The following TBCD variants were observed in gnomAD, a reference collection of about 807,000 sequenced individuals.
The protein encoded by TBCD is tubulin-specific chaperone D.
A neutral mutation model predicts 169.3 loss-of-function variants in TBCD; 105 were observed. The ratio of observed to expected loss-of-function variants is 0.62; its 90% CI spans 0.53 to 0.73. The LOEUF (loss-of-function observed/expected upper bound fraction) is 0.73, where lower values mean the gene tolerates loss of function less well. Among genes scored for constraint, TBCD ranks in the 30% least tolerant of loss-of-function variants. TBCD has a pLI of 0.00. For synonymous variants in TBCD, 700 were observed against 643.9 expected, an observed-to-expected ratio of 1.09 and a Z score of -1.32; for missense variants, 1,444 against 1,600.1, an observed-to-expected ratio of 0.90 and a Z score of 1.66.
At chr17:82,809,305 AC>A (rs2051252030) in intron 11 of TBCD, among the ~76,000 whole-genome samples, 1 of 152,066 alleles carries the variant, frequency 6.6e-6, no homozygotes, top group Non-Finnish European at 1.5e-5. Flanking sequence ...TGAGCCCATC[AC>A]CTGGCCTGAT....
chr17:82,840,932 G>A (rs912805962), intron 13 of TBCD, among the ~76,000 whole-genome samples: 8 of 147,456 alleles, frequency 5.4e-5, no homozygotes, highest in Admixed American at 4.8e-4. Flanking sequence ...ATAGGGACGA[G>A]CTGGCCAGGA....
At chr17:82,873,204 A>T (rs143628297) in intron 14 of TBCD, among the ~76,000 whole-genome samples, 6 of 152,324 alleles carry the variant, frequency 3.9e-5, no homozygotes, top group Non-Finnish European at 8.8e-5. Context: ...TTTCCTTTTC[A>T]GCCTCATATT....
chr17:82,928,101 C>T, intron 30 of TBCD, 113 bp downstream of exon 30: 1 of 913,334 alleles, frequency 1.1e-6, no homozygotes, highest in Non-Finnish European at 1.7e-6. Flanking sequence ...TGGGCACACA[C>T]CCTCCTCCCA....
At chr17:82,929,314 T>C (rs1374396470) in intron 31 of TBCD, 43 bp downstream of exon 31, 3 of 1,610,400 alleles carry the variant, frequency 1.9e-6, no homozygotes, top group Admixed American at 3.3e-5. Context: ...CCCGCAGCCA[T>C]GGCGAGATCA....
Position 82,942,561 on chromosome 17 carries a change from CTGT to C in TBCD, c.*101_*103del. On this transcript the variant is annotated 3_prime_UTR_variant, in exon 39 of 39. Transcript: ENST00000355528. ...AAGCCTCGCACAGTGGTGCCTCCAG[CTGT>C]TGAAGGGTAGCGCTGGCCCTTGGAG... 6.4e-7 allele frequency: 1 copy of C among 1,554,252 alleles called. No individual in the cohort carries two copies. Among genetic ancestry groups the C allele is most frequent in the Non-Finnish European group, 8.9e-7 (1 of 1,129,118 alleles).
intron 13 of TBCD, chr17:82,830,441 C>T: frequency 6.2e-7 from 1 of 1,612,126 alleles, no homozygotes. Flanking sequence ...TCGCTGCTGT[C>T]CACCGCGCAT....
chr17:82,823,251 G>T (rs930951869), intron 13 of TBCD, among the ~76,000 whole-genome samples: 1 of 152,178 alleles, frequency 6.6e-6, no homozygotes, highest in Non-Finnish European at 1.5e-5. Context: ...TGACCCTGCT[G>T]CCCCCTGCAG....
chr17:82,888,488 CG>C (rs1410983293), intron 15 of TBCD, among the ~76,000 whole-genome samples: 1 of 152,188 alleles, frequency 6.6e-6, no homozygotes, highest in Non-Finnish European at 1.5e-5. Context: ...TGCCTTTTGG[CG>C]GGTTTTGTTT....
intron 15 of TBCD, among the ~76,000 whole-genome samples, chr17:82,887,881 G>T (rs1037219529): frequency 2.6e-5 from 4 of 152,168 alleles, no homozygotes; most frequent in African/African-American, 9.7e-5. Context: ...CTTGCCGTCT[G>T]TACCTCCTCT....
intron 7 of TBCD, among the ~76,000 whole-genome samples, chr17:82,786,396 C>G (rs1369889262): frequency 6.6e-6 from 1 of 152,146 alleles, no homozygotes; most frequent in Non-Finnish European, 1.5e-5. Flanking sequence ...GCAGGGGAGG[C>G]CGTTAGCCCT....
chr17:82,817,792 G>A (rs2052051230), intron 13 of TBCD, among the ~76,000 whole-genome samples: 1 of 152,188 alleles, frequency 6.6e-6, no homozygotes. Flanking sequence ...TTTTAATTAA[G>A]TCCAGCTCAT....
intron 27 of TBCD, among the ~76,000 whole-genome samples, chr17:82,925,692 C>G (rs2061683739): frequency 6.6e-6 from 1 of 152,210 alleles, no homozygotes; most frequent in Admixed American, 6.5e-5. Context: ...GTGGGCCTCG[C>G]AGCCGCCATG....
At chr17:82,883,142 A>T (rs1567952289) in intron 14 of TBCD, among the ~76,000 whole-genome samples, 4 of 152,220 alleles carry the variant, frequency 2.6e-5, no homozygotes, top group Non-Finnish European at 5.9e-5. Flanking sequence ...CTTCATGTTG[A>T]CGCGGGCCCC....
Position 82,924,991 on chromosome 17 carries a change from T to A in TBCD, c.2313T>A (p.Thr771=). 6.3e-7 allele frequency: 1 copy of A among 1,575,808 alleles called. No homozygotes were observed. The highest frequency in any genetic ancestry group is 2.3e-5 in the East Asian group (1 of 42,998). The part of the protein sequence containing the change: ...LAELRNPEEM[T]RCGFSLALGA... ...AGCTTCGGAACCCCGAGGAGATGAC[T>A]CGCTGTGGCTTCTCGTTGGCCTTGG... The change falls in exon 27 of 39, where the codon ACT becomes ACA. Residue 771 remains threonine (T), a synonymous_variant. Coordinates refer to ENST00000355528, the MANE Select transcript of TBCD (RefSeq NM_005993.5).
At chr17:82,792,000 A>G (rs1018736294) in intron 7 of TBCD, among the ~76,000 whole-genome samples, 9 of 152,216 alleles carry the variant, frequency 5.9e-5, no homozygotes, top group Admixed American at 5.2e-4. Context: ...ATCTAAGCAT[A>G]GAAAAGGTAC....
At chr17:82,907,730 T>G in intron 20 of TBCD, 31 bp from the exon 21 acceptor site, 1 of 1,612,894 alleles carries the variant, frequency 6.2e-7, no homozygotes, top group Non-Finnish European at 8.5e-7. Flanking sequence ...TTGGGGAGTG[T>G]GACTTCAGCT....
rs763307195 is a variant in TBCD, at chr17:82,797,818, A to T, written c.817+16A>T. ...TTGCCCTATGGTAAGGTTTATTTTT[A>T]AGAGACGATATCTTTGTGATGTGAG... On this transcript the variant is annotated intron_variant, in intron 8 of 38. Coordinates refer to ENST00000355528, the MANE Select transcript of TBCD (RefSeq NM_005993.5). 6.4e-7 allele frequency: 1 copy of T among 1,565,578 alleles called. No individual in the cohort carries two copies. The highest frequency in any genetic ancestry group is 8.6e-7 in the Non-Finnish European group (1 of 1,161,504).
In TBCD at chr17:82,909,123, C is replaced by T. The variant is rs74001712; in HGVS notation, c.1984-162C>T. Among the ~76,000 whole-genome samples the T allele has an allele frequency of 0.029, 4,396 of 152,340 alleles. 222 individuals carry two copies. Among genetic ancestry groups the T allele is most frequent in the African/African-American group, 0.1 (4,138 of 41,568 alleles). On this transcript the variant is annotated intron_variant, in intron 21 of 38. Transcript: ENST00000355528. ...TCTGGAGGTTAAACAAGGCCATCTG[C>T]GTCAGTAGGTGGGCCTCCGTCCTCA...
intron 14 of TBCD, chr17:82,877,091 A>G (rs2058029272): frequency 1.5e-6 from 1 of 664,862 alleles, no homozygotes; most frequent in African/African-American, 2.0e-5. Context: ...ACATTTCAAG[A>G]ATTCAGTGTA....
Sources: gnomAD v4.1 joint callset for allele counts (sites outside exome capture counted in the v4.1 genomes callset) on GRCh38, gnomAD v4.1.1 for gene constraint, MANE v1.5 for transcripts, NCBI Gene and HGNC (gene_info 2026-07-23, HGNC 2026-07-21) for gene names.